Variants in ADAMTS9 observed in about 807,000 individuals in gnomAD.
ADAMTS9 encodes the protein A disintegrin and metalloproteinase with thrombospondin motifs 9.
In ADAMTS9, 107 loss-of-function variants were observed where a neutral mutation model predicts 257.1. The observed-to-expected ratio is 0.42, with a 90% CI of 0.36 to 0.49. The LOEUF is 0.49. Among genes scored for constraint, ADAMTS9 ranks in the 20% least tolerant of loss-of-function variants. ADAMTS9 has a pLI of 0.03. For synonymous variants in ADAMTS9, 982 were observed against 880.9 expected, an observed-to-expected ratio of 1.11 and a Z score of -2.03; for missense variants, 2,353 against 2,469.1, an observed-to-expected ratio of 0.95 and a Z score of 1.00.
intron 32 of ADAMTS9, among the ~76,000 whole-genome samples, chr3:64,544,283 C>T (rs1298225132): frequency 6.6e-6 from 1 of 152,072 alleles, no homozygotes; most frequent in African/African-American, 2.4e-5. Flanking sequence ...TCATATGGAA[C>T]CAAAAAAGAG....
chr3:64,552,887 A>G (rs1214420290), intron 30 of ADAMTS9, among the ~76,000 whole-genome samples: 2 of 152,196 alleles, frequency 1.3e-5, no homozygotes, highest in African/African-American at 2.4e-5. Flanking sequence ...GTCTAATTTT[A>G]GTCTCTTTAC....
intron 28 of ADAMTS9, among the ~76,000 whole-genome samples, chr3:64,575,386 G>A (rs2083813908): frequency 6.6e-6 from 1 of 152,224 alleles, no homozygotes; most frequent in South Asian, 2.1e-4. Context: ...AGCACAGAAT[G>A]CTATTTGGCT....
intron 31 of ADAMTS9, among the ~76,000 whole-genome samples, chr3:64,547,598 C>T (rs1185801040): frequency 2.0e-5 from 3 of 150,288 alleles, no homozygotes; most frequent in Admixed American, 6.7e-5. Flanking sequence ...ATGAAACCTC[C>T]GTCTCCCAGG....
rs900471668 is a variant in ADAMTS9, at chr3:64,582,031, T to C, written c.4356+12227A>G. 1.1e-4 allele frequency among the ~76,000 whole-genome samples: 16 copies of C among 152,198 alleles called. 1 individual carries two copies. The highest frequency in any genetic ancestry group is 5.2e-4 in the Admixed American group (8 of 15,278). On this transcript the variant is annotated intron_variant, in intron 28 of 39. Transcript: ENST00000498707. The stretch of plus-strand genomic sequence containing the variant: ...CCTTTTTAAAGGAAAAGAATTGAGA[T>C]TGATTTTCCTTCTGGGACCAAGACA...
At chr3:64,662,003 T>G (rs918301821) in intron 3 of ADAMTS9, among the ~76,000 whole-genome samples, 2 of 151,852 alleles carry the variant, frequency 1.3e-5, no homozygotes, top group African/African-American at 4.8e-5. Context: ...TGCCTTAAAG[T>G]AGAAGGTTAG....
At chr3:64,655,753 C>A (rs774540683) in intron 5 of ADAMTS9, 39 bp downstream of exon 5, 1 of 1,575,022 alleles carries the variant, frequency 6.3e-7, no homozygotes. Context: ...TATGCCATTT[C>A]GGATACAGAT....
chr3:64,667,057 C>T (rs1169703489), intron 3 of ADAMTS9, among the ~76,000 whole-genome samples: 2 of 151,828 alleles, frequency 1.3e-5, no homozygotes, highest in Non-Finnish European at 2.9e-5. Flanking sequence ...AGTGATGTGC[C>T]CAGTGTCAAG....
chr3:64,637,378 G>A (rs1434580433), intron 12 of ADAMTS9, among the ~76,000 whole-genome samples: 1 of 152,122 alleles, frequency 6.6e-6, no homozygotes, highest in Non-Finnish European at 1.5e-5. Flanking sequence ...TTAAAATATT[G>A]CATGTCAAAT....
At chr3:64,646,692 A>G (rs1016379602) in intron 11 of ADAMTS9, among the ~76,000 whole-genome samples, 3 of 152,200 alleles carry the variant, frequency 2.0e-5, no homozygotes, top group East Asian at 1.9e-4. Flanking sequence ...ATTGGACTTT[A>G]TATTTTTAAA....
chr3:64,641,851 G>T lies in ADAMTS9; in HGVS notation c.1853C>A (p.Pro618Gln). The T allele has an allele frequency of 6.2e-7, 1 of 1,613,956 alleles. No homozygotes were observed. The highest frequency in any genetic ancestry group is 8.5e-7 in the Non-Finnish European group (1 of 1,179,962). ...AGTTATACATTCTAGGACTTACTCT[G>T]GTCTGTTGCACTCTCGAATGGCTGT... ...IKTAIRECNR[P>Q]EPKNGGKYCV... The change falls in exon 12 of 40, where the codon CCA becomes CAA. Residue 618 changes from proline to glutamine, a missense_variant. Pro to Gln is a moderately conservative substitution (Grantham distance 76). Around this residue, in one of 3 missense-constraint regions of ADAMTS9, gnomAD observed 360 missense variants for 458.1 expected, o/e 0.79. Transcript: ENST00000498707.
chr3:64,622,069 G>T (rs1480844658), intron 18 of ADAMTS9, 129 bp downstream of exon 18: 1 of 993,080 alleles, frequency 1.0e-6, no homozygotes, highest in Non-Finnish European at 1.4e-6. Context: ...CACATTCAAA[G>T]AAAAGAGATT....
intron 32 of ADAMTS9, among the ~76,000 whole-genome samples, chr3:64,543,480 C>T (rs1162414229): frequency 1.3e-5 from 2 of 152,272 alleles, no homozygotes; most frequent in African/African-American, 2.4e-5. Flanking sequence ...AATCAATAAA[C>T]GTAATCCATC....
In ADAMTS9 at chr3:64,687,467, G is replaced by C; in HGVS notation, c.115+76C>G. On this transcript the variant is annotated intron_variant, in intron 1 of 39. Coordinates refer to ENST00000498707, the MANE Select transcript of ADAMTS9 (RefSeq NM_182920.2). This position sits in a 1 kb window ranked among gnomAD's most constrained non-coding sequence, Gnocchi z 4.4. ...AAAAGGAGAGAAGCCTCCGCTGCGG[G>C]GTGCCCCTGCCCAGGAGCGAGGACC... is the stretch of plus-strand genomic sequence containing the variant. The C allele has an allele frequency of 3.4e-6, 4 of 1,167,464 alleles. No individual in the cohort carries two copies. The highest frequency in any genetic ancestry group is 4.7e-6 in the Non-Finnish European group (4 of 851,992). 72.3% of individuals were successfully genotyped at this position (1,167,464 alleles called of 1,614,324 possible). A position where few individuals can be genotyped will look rare whatever the true frequency, so the allele number is the denominator to read the frequency against.
intron 2 of ADAMTS9, 23 bp from the exon 3 acceptor site, chr3:64,681,386 G>A (rs749193021): frequency 3.1e-6 from 5 of 1,592,010 alleles, no homozygotes; most frequent in Admixed American, 1.8e-5. Context: ...AGAGATGGGA[G>A]GTTGATTTAA....
chr3:64,624,874 G>T (rs1700190346), intron 16 of ADAMTS9, among the ~76,000 whole-genome samples: 1 of 151,948 alleles, frequency 6.6e-6, no homozygotes. Flanking sequence ...TCAAAATTTT[G>T]ATTGTGCTGC....
intron 22 of ADAMTS9, among the ~76,000 whole-genome samples, chr3:64,609,718 A>C (rs557181772): frequency 9.2e-5 from 14 of 152,314 alleles, no homozygotes; most frequent in African/African-American, 3.4e-4. Context: ...AAATTAACCC[A>C]CAGATTCAGT....
intron 12 of ADAMTS9, among the ~76,000 whole-genome samples, chr3:64,639,298 T>TTTTG (rs1559805063): frequency 2.8e-4 from 41 of 144,150 alleles, no homozygotes; most frequent in Admixed American, 5.5e-4. Flanking sequence ...GGATTGTTTT[T>TTTTG]TTTTTTTTTT....
Position 64,615,942 on chromosome 3 carries a change from G to C in ADAMTS9, c.3024+18C>G. Reference sequence around the variant, plus strand: ...CAGACAGCATCCAAGAAGACTCTTTGAGTGAGAGCCAACTTACTTCAGTCC... The same window carrying C: ...CAGACAGCATCCAAGAAGACTCTTTCAGTGAGAGCCAACTTACTTCAGTCC... On this transcript the variant is annotated intron_variant, in intron 20 of 39. Transcript: ENST00000498707. The C allele has an allele frequency of 6.2e-7, 1 of 1,612,198 alleles. No homozygotes were observed. Among genetic ancestry groups the C allele is most frequent in the Non-Finnish European group, 8.5e-7 (1 of 1,179,772 alleles).
At chr3:64,588,058 G>C (rs535720724) in intron 28 of ADAMTS9, 25 of 152,200 alleles carry the variant, frequency 1.6e-4, no homozygotes, top group African/African-American at 6.0e-4. Context: ...CCAATAGGAG[G>C]TTTTTAAAAG....
Sources: gnomAD v4.1 joint callset for allele counts (sites outside exome capture counted in the v4.1 genomes callset) on GRCh38, gnomAD v4.1.1 for gene constraint, gnomAD v4.1.1 regional missense constraint, Gnocchi (gnomAD v3.1) non-coding constraint, MANE v1.5 for transcripts, NCBI Gene and HGNC (gene_info 2026-07-23, HGNC 2026-07-21) for gene names.